VPS53: variants seen among roughly 807,000 people sequenced by gnomAD.
VPS53 encodes VPS53 subunit of GARP complex.
A neutral mutation model predicts 107.0 loss-of-function variants in VPS53; 70 were observed. That is an observed-to-expected ratio of 0.65 (90% confidence interval 0.54 to 0.80). The LOEUF (loss-of-function observed/expected upper bound fraction) is 0.80. Among genes scored for constraint, VPS53 ranks in the 30% least tolerant of loss-of-function variants. The pLI is 0.00. For missense variants in VPS53, 917 were observed against 1,049.4 expected, an observed-to-expected ratio of 0.87 and a Z score of 1.74; for synonymous variants, 409 against 393.3, an observed-to-expected ratio of 1.04 and a Z score of -0.47.
At chr17:690,617 C>A (rs879542487) in intron 4 of VPS53, among the ~76,000 whole-genome samples, 1 of 152,190 alleles carries the variant, frequency 6.6e-6, no homozygotes, top group African/African-American at 2.4e-5. Context: ...CATCTGTTTG[C>A]GACTCTTGAC....
intron 5 of VPS53, among the ~76,000 whole-genome samples, chr17:659,283 ATTTATTTT>A (rs1045590118): frequency 6.6e-6 from 1 of 151,740 alleles, no homozygotes; most frequent in Non-Finnish European, 1.5e-5. Flanking sequence ...TTATTTATTT[ATTTATTTT>A]TTTATTTTTT....
chr17:625,848 G>A (rs1567686377), intron 10 of VPS53, among the ~76,000 whole-genome samples: 2 of 152,186 alleles, frequency 1.3e-5, no homozygotes, highest in African/African-American at 4.8e-5. Context: ...TATGGGAAAA[G>A]GTGGTTGAGT....
chr17:535,623 T>A (rs1234466593), intron 18 of VPS53, among the ~76,000 whole-genome samples: 1 of 152,132 alleles, frequency 6.6e-6, no homozygotes, highest in Non-Finnish European at 1.5e-5. Context: ...AGATTTTGAG[T>A]CACAGTAAAT....
chr17:598,090 G>C (rs1490837059), intron 12 of VPS53, among the ~76,000 whole-genome samples: 1 of 152,134 alleles, frequency 6.6e-6, no homozygotes, highest in Non-Finnish European at 1.5e-5. Flanking sequence ...TCCTGACTCA[G>C]CCTGCCGAGT....
At chr17:654,343 A>C (rs1971086872) in intron 6 of VPS53, among the ~76,000 whole-genome samples, 1 of 152,240 alleles carries the variant, frequency 6.6e-6, no homozygotes, top group African/African-American at 2.4e-5. Flanking sequence ...AAATCAAGTT[A>C]CACACAGGGA....
intron 4 of VPS53, among the ~76,000 whole-genome samples, chr17:662,315 C>T (rs1263826190): frequency 6.6e-6 from 1 of 152,122 alleles, no homozygotes; most frequent in African/African-American, 2.4e-5. Flanking sequence ...AAACCTGAAC[C>T]GTGAATGGGG....
At chr17:592,588 G>T (rs548815025) in intron 12 of VPS53, among the ~76,000 whole-genome samples, 1 of 152,078 alleles carries the variant, frequency 6.6e-6, no homozygotes, top group East Asian at 1.9e-4. Context: ...CAGGTCTGGT[G>T]GTGACAAAAT....
intron 12 of VPS53, among the ~76,000 whole-genome samples, chr17:598,825 T>C (rs1420537818): frequency 2.1e-5 from 2 of 96,714 alleles, no homozygotes; most frequent in African/African-American, 3.8e-5. Context: ...GTCTGGGAAG[T>C]GAGGAGCGTC....
chr17:525,098 A>G (rs1368471043), intron 19 of VPS53, among the ~76,000 whole-genome samples: 2 of 152,262 alleles, frequency 1.3e-5, no homozygotes, highest in African/African-American at 4.8e-5. Flanking sequence ...TGCTGAGGTG[A>G]AAATGAATGG....
intron 10 of VPS53, among the ~76,000 whole-genome samples, chr17:625,558 T>C (rs1222634753): frequency 6.6e-6 from 1 of 151,290 alleles, no homozygotes; most frequent in Non-Finnish European, 1.5e-5. Flanking sequence ...TCACTCTGGG[T>C]AATGATGATG....
intron 19 of VPS53, among the ~76,000 whole-genome samples, chr17:528,108 C>T (rs1283490907): frequency 6.6e-6 from 1 of 152,110 alleles, no homozygotes; most frequent in Non-Finnish European, 1.5e-5. Flanking sequence ...AGATATAATT[C>T]AAAAACCATA....
intron 13 of VPS53, among the ~76,000 whole-genome samples, chr17:579,959 C>A (rs1017310883): frequency 1.3e-5 from 2 of 150,756 alleles, no homozygotes; most frequent in African/African-American, 4.9e-5. Context: ...TCCCAGAGAA[C>A]CCCCAACAGA....
At chr17:665,841 T>G (rs564112499) in intron 4 of VPS53, among the ~76,000 whole-genome samples, 1 of 152,102 alleles carries the variant, frequency 6.6e-6, no homozygotes, top group South Asian at 2.1e-4. Context: ...CCGTCTCTAC[T>G]AAAAATACAA....
chr17:583,342 T>C (rs1368143064), intron 13 of VPS53, among the ~76,000 whole-genome samples: 1 of 148,754 alleles, frequency 6.7e-6, no homozygotes, highest in East Asian at 2.0e-4. Context: ...AGAACCTCCC[T>C]CAGAACCTCA....
Position 517,555 on chromosome 17 carries a change from T to C in VPS53, c.*1573A>G. 2.5e-6 allele frequency: 1 copy of C among 397,488 alleles called. No homozygotes were observed. The highest frequency in any genetic ancestry group is 4.4e-6 in the Non-Finnish European group (1 of 225,344). The allele number at this position is 397,488 out of a possible 1,614,324, so 24.6% of individuals were successfully genotyped here. The stretch of plus-strand genomic sequence containing the variant: ...AACTTTTTGAGAAGGGGTCTTGCTC[T>C]GTCACCCAGGCTGGAGTGCAGTGGT... On this transcript the variant is annotated 3_prime_UTR_variant, in exon 22 of 22. Coordinates refer to ENST00000437048, the MANE Select transcript of VPS53 (RefSeq NM_001128159.3).
chr17:647,656 G>A (rs1970762905), intron 7 of VPS53, among the ~76,000 whole-genome samples: 1 of 152,144 alleles, frequency 6.6e-6, no homozygotes, highest in Admixed American at 6.5e-5. Context: ...GTGATCAGCT[G>A]GCTCTAGGTG....
intron 9 of VPS53, among the ~76,000 whole-genome samples, 192 bp downstream of exon 9, chr17:627,896 T>C (rs1235660219): frequency 6.6e-6 from 1 of 152,206 alleles, no homozygotes; most frequent in African/African-American, 2.4e-5. Context: ...GGTGCATGTT[T>C]CTGAATTTCT....
At chr17:521,249 T>C (rs1434767083) in intron 20 of VPS53, among the ~76,000 whole-genome samples, 1 of 152,240 alleles carries the variant, frequency 6.6e-6, no homozygotes, top group Non-Finnish European at 1.5e-5. Flanking sequence ...AAAAGGCTGA[T>C]GTGGAAGGGA....
At chr17:679,027 CAAG>C (rs748916540) in intron 4 of VPS53, among the ~76,000 whole-genome samples, 49 of 152,002 alleles carry the variant, frequency 3.2e-4, no homozygotes, top group Non-Finnish European at 6.0e-4. Flanking sequence ...TCTTACATAA[CAAG>C]AAGTAGAAGG....
Sources: allele counts gnomAD v4.1 joint callset (sites outside exome capture counted in the v4.1 genomes callset), GRCh38; gene constraint gnomAD v4.1.1; transcripts MANE v1.5; gene names NCBI Gene and HGNC (gene_info 2026-07-23, HGNC 2026-07-21).